Variants in ABR observed in about 807,000 individuals in gnomAD.
ABR encodes the protein active breakpoint cluster region-related protein.
Under a neutral mutation model 107.2 loss-of-function variants are expected in ABR, and 35 were observed. That is an observed-to-expected ratio of 0.33 (90% confidence interval 0.25 to 0.43). ABR has a LOEUF of 0.43. ABR is among the 20% of genes least tolerant of loss of function. The pLI, the probability that ABR is intolerant of heterozygous loss-of-function variation, is 1.00. For synonymous variants in ABR, 498 were observed against 462.0 expected, an observed-to-expected ratio of 1.08 and a Z score of -1.00; for missense variants, 815 against 1,115.2, an observed-to-expected ratio of 0.73 and a Z score of 3.83.
In ABR at chr17:1,125,382, A is replaced by G; in HGVS notation, c.62-15T>C. 6.2e-7 allele frequency: 1 copy of G among 1,611,546 alleles called. No individual in the cohort carries two copies. The highest frequency in any genetic ancestry group is 8.5e-7 in the Non-Finnish European group (1 of 1,179,954). On this transcript the variant is annotated splice_polypyrimidine_tract_variant and intron_variant, in intron 1 of 22. Coordinates refer to ENST00000302538, the MANE Select transcript of ABR (RefSeq NM_021962.5). ...GTAGCTGAAGTCTGAGACAAGGAAC[A>G]AGAAAGGCCACTGAGAATCCTCCAC...
chr17:1,179,479 C>G lies in ABR; in HGVS notation c.61+188G>C, dbSNP rs2042043216. Among the ~76,000 whole-genome samples the G allele has an allele frequency of 6.6e-6, 1 of 151,856 alleles. No homozygotes were observed. Among genetic ancestry groups the G allele is most frequent in the African/African-American group, 2.4e-5 (1 of 41,436 alleles). ...CCAGCCCGGCTCCTGGGTCCCGACC[C>G]CGATCCCGATTCCCAACCCGACCCC... On this transcript the variant is annotated intron_variant, in intron 1 of 22. Coordinates refer to ENST00000302538, the MANE Select transcript of ABR (RefSeq NM_021962.5). This position sits in a 1 kb window ranked among gnomAD's most constrained non-coding sequence, Gnocchi z 4.9.
chr17:1,028,420 G>C (rs1014775499), intron 16 of ABR, among the ~76,000 whole-genome samples: 8 of 151,994 alleles, frequency 5.3e-5, no homozygotes, highest in African/African-American at 1.7e-4. Context: ...TGTTAGTTGA[G>C]ACGGGGCTTC....
intron 10 of ABR, among the ~76,000 whole-genome samples, chr17:1,065,840 G>A (rs1597642454): frequency 6.8e-6 from 1 of 147,726 alleles, no homozygotes; most frequent in African/African-American, 2.5e-5. Flanking sequence ...CTGCCTCCCA[G>A]GTTCAAGCAA....
Position 1,179,787 on chromosome 17 carries a change from A to AGGGC in ABR, c.-61_-60insGCCC. 1 of 298,884 alleles carries AGGGC rather than the reference A, an allele frequency of 3.3e-6. No individual in the cohort carries two copies. The highest frequency in any genetic ancestry group is 6.8e-6 in the Non-Finnish European group (1 of 147,230). The allele number at this position is 298,884 out of a possible 1,614,324, so 18.5% of individuals were successfully genotyped here. On this transcript the variant is annotated 5_prime_UTR_variant, in exon 1 of 23. Transcript: ENST00000302538. This position sits in a 1 kb window ranked among gnomAD's most constrained non-coding sequence, Gnocchi z 4.9. The stretch of plus-strand genomic sequence containing the variant: ...ACCCTCATCGCGCAACAAAGGAGGG[A>AGGGC]GAGCGGGCGGGAGCCGGGGGAGGCC...
At chr17:1,020,188 T>C (rs2071510002) in intron 16 of ABR, among the ~76,000 whole-genome samples, 1 of 152,158 alleles carries the variant, frequency 6.6e-6, no homozygotes, top group Non-Finnish European at 1.5e-5. Flanking sequence ...GTTCGAGCGA[T>C]TCTCCTGCCT....
intron 1 of ABR, among the ~76,000 whole-genome samples, chr17:1,132,733 T>C (rs552515741): frequency 6.6e-6 from 1 of 152,220 alleles, no homozygotes; most frequent in South Asian, 2.1e-4. Flanking sequence ...TTTCTAAATG[T>C]GTAAGGGAAA....
At chr17:1,218,721 T>G (rs2043059148) in intron 1 of ABR, among the ~76,000 whole-genome samples, 1 of 152,224 alleles carries the variant, frequency 6.6e-6, no homozygotes, top group African/African-American at 2.4e-5. Context: ...AAATGGACGA[T>G]TTCAAACTTT....
At chr17:1,179,990 G>C (rs1284552406), upstream of ABR, 2 of 296,772 alleles carry the variant, frequency 6.7e-6, no homozygotes, top group Non-Finnish European at 1.2e-5. The surrounding 1 kb of genome is among the most constrained non-coding windows in gnomAD (Gnocchi z 4.9). Flanking sequence ...GCAACTTCGC[G>C]GGGGGCGGGG....
At chr17:1,099,877 C>CA (rs2037746542) in intron 3 of ABR, among the ~76,000 whole-genome samples, 1 of 152,182 alleles carries the variant, frequency 6.6e-6, no homozygotes, top group Non-Finnish European at 1.5e-5. Flanking sequence ...CCTGTAATCC[C>CA]AGCACTTTGG....
chr17:1,056,968 G>T (rs373919440), intron 13 of ABR, 30 bp downstream of exon 13: 2 of 1,529,402 alleles, frequency 1.3e-6, no homozygotes, highest in East Asian at 4.6e-5. Context: ...GGGACCTGCC[G>T]GTTGGGCCAC....
chr17:1,158,114 G>T (rs577714450), intron 1 of ABR, among the ~76,000 whole-genome samples: 1 of 152,260 alleles, frequency 6.6e-6, no homozygotes, highest in East Asian at 1.9e-4. Context: ...TGGAATTCCA[G>T]GCAGCTTTGA....
At chr17:1,201,928 C>T (rs536638028) in intron 1 of ABR, among the ~76,000 whole-genome samples, 34 of 152,302 alleles carry the variant, frequency 2.2e-4, no homozygotes, top group African/African-American at 7.0e-4. Context: ...CCGCCCGCGT[C>T]GGCCTCCCAA....
intron 12 of ABR, 69 bp from the exon 13 acceptor site, chr17:1,057,171 G>A: frequency 9.2e-7 from 1 of 1,089,094 alleles, no homozygotes; most frequent in Non-Finnish European, 1.4e-6. Flanking sequence ...TCTTCCCTGG[G>A]GGCTGCTGCA....
In ABR at chr17:1,005,945, G is replaced by T; in HGVS notation, c.*135C>A. 1.2e-6 allele frequency: 1 copy of T among 851,102 alleles called. No homozygotes were observed. Among genetic ancestry groups the T allele is most frequent in the East Asian group, 2.7e-5 (1 of 37,688 alleles). The allele number at this position is 851,102 out of a possible 1,614,324, so 52.7% of individuals were successfully genotyped here. On this transcript the variant is annotated 3_prime_UTR_variant, in exon 23 of 23. Coordinates refer to ENST00000302538, the MANE Select transcript of ABR (RefSeq NM_021962.5). ...TGGCACAAAAGACGTACGCATTCCA[G>T]TTCTTGGAAGCTGGCTTCCCTCGAG...
intron 1 of ABR, among the ~76,000 whole-genome samples, chr17:1,163,467 C>T (rs1011577826): frequency 6.6e-6 from 1 of 151,920 alleles, no homozygotes; most frequent in Non-Finnish European, 1.5e-5. Context: ...GTGTCACACA[C>T]AGCACTGAAT....
At chr17:1,178,240 C>A (rs149906958) in intron 1 of ABR, among the ~76,000 whole-genome samples, 38 of 152,076 alleles carry the variant, frequency 2.5e-4, no homozygotes, top group Middle Eastern at 3.4e-3. Flanking sequence ...CCCACCCCCC[C>A]CATATGACTT....
intron 5 of ABR, among the ~76,000 whole-genome samples, chr17:1,080,718 G>A (rs1255684471): frequency 7.3e-6 from 1 of 137,040 alleles, no homozygotes; most frequent in Non-Finnish European, 1.5e-5. Context: ...TCTAGACAGA[G>A]AAAACTCCTG....
intron 1 of ABR, among the ~76,000 whole-genome samples, chr17:1,139,500 C>T (rs2040209560): frequency 6.6e-6 from 1 of 152,172 alleles, no homozygotes; most frequent in Non-Finnish European, 1.5e-5. Context: ...GATCCACCCG[C>T]CTCGGCCTCC....
chr17:1,161,881 C>T (rs531944150), intron 1 of ABR, among the ~76,000 whole-genome samples: 9 of 152,138 alleles, frequency 5.9e-5, no homozygotes, highest in East Asian at 3.9e-4. Flanking sequence ...ACAGCCGGGC[C>T]GAAGGCACCT....
Sources: allele counts gnomAD v4.1 joint callset (sites outside exome capture counted in the v4.1 genomes callset), GRCh38; gene constraint gnomAD v4.1.1; non-coding constraint Gnocchi (gnomAD v3.1); transcripts MANE v1.5; gene names NCBI Gene and HGNC (gene_info 2026-07-23, HGNC 2026-07-21).